The following VTI1A variants were observed in gnomAD, a reference collection of about 807,000 sequenced individuals.
VTI1A encodes the protein vesicle transport through interaction with t-SNAREs 1A.
Under a neutral mutation model 34.9 loss-of-function variants are expected in VTI1A, and 22 were observed. The ratio of observed to expected loss-of-function variants is 0.63; its 90% CI spans 0.45 to 0.90. The LOEUF (loss-of-function observed/expected upper bound fraction) is 0.90, where lower values mean the gene tolerates loss of function less well. Ranked by LOEUF, VTI1A falls within the 40% of genes least tolerant of loss-of-function variation. The pLI is 0.00. For missense variants in VTI1A, 268 were observed against 275.6 expected (o/e 0.97, Z 0.20); for synonymous variants, 87 against 97.3 (o/e 0.89, Z 0.62).
At chr10:112,548,960 CT>C (rs1851241773) in intron 5 of VTI1A, 1 of 676,794 alleles carries the variant, frequency 1.5e-6, no homozygotes, top group African/African-American at 1.8e-5. Context: ...TTATATCTTT[CT>C]TTCTTCTCTT....
At chr10:112,497,522 G>T (rs111274796) in intron 3 of VTI1A, among the ~76,000 whole-genome samples, 227 of 152,144 alleles carry the variant, frequency 1.5e-3, no homozygotes, top group Non-Finnish European at 2.1e-3. Context: ...ACACACACAC[G>T]TACTCACAGC....
chr10:112,495,162 T>A (rs922397449), intron 3 of VTI1A, among the ~76,000 whole-genome samples: 45 of 151,104 alleles, frequency 3.0e-4, no homozygotes, highest in African/African-American at 1.1e-3. Context: ...ATGCCAATGG[T>A]CCGTTTCATT....
the VTI1A span, chr10:112,825,368 G>C: frequency 6.6e-6 from 1 of 152,288 alleles, no homozygotes; most frequent in South Asian, 2.1e-4. Context: ...GCATCTCAGA[G>C]TGGGGCATGG....
At chr10:112,606,327 T>G (rs1845084492) in intron 5 of VTI1A, among the ~76,000 whole-genome samples, 1 of 151,872 alleles carries the variant, frequency 6.6e-6, no homozygotes, top group African/African-American at 2.4e-5. Flanking sequence ...GCCCGGCCAT[T>G]GCGTGCTATT....
chr10:112,822,626 G>A (rs1048405971), downstream of VTI1A, among the ~76,000 whole-genome samples: 1 of 152,098 alleles, frequency 6.6e-6, no homozygotes, highest in Non-Finnish European at 1.5e-5. Context: ...CACTGTGGCC[G>A]TCAGAGACTC....
chr10:112,471,367 ATT>A (rs576549183), intron 3 of VTI1A, among the ~76,000 whole-genome samples: 39 of 94,382 alleles, frequency 4.1e-4, no homozygotes, highest in African/African-American at 1.1e-3. Context: ...ATTCTTATTG[ATT>A]TTTTTTTTTT....
intron 5 of VTI1A, among the ~76,000 whole-genome samples, chr10:112,598,396 TC>T (rs1376196114): frequency 6.6e-6 from 1 of 152,252 alleles, no homozygotes; most frequent in Admixed American, 6.5e-5. Context: ...CTTTCTCTCC[TC>T]TTTAGCCTTT....
At chr10:112,556,541 C>G (rs921627966) in intron 5 of VTI1A, among the ~76,000 whole-genome samples, 6 of 151,928 alleles carry the variant, frequency 3.9e-5, no homozygotes, top group African/African-American at 1.4e-4. Context: ...AATCTCTCAA[C>G]CCATTAATGC....
At chr10:112,790,738 G>A (rs955005614) in intron 7 of VTI1A, among the ~76,000 whole-genome samples, 20 of 151,114 alleles carry the variant, frequency 1.3e-4, no homozygotes, top group Admixed American at 4.6e-4. Flanking sequence ...TTTTGCCTTT[G>A]GTCGTCATCC....
In VTI1A at chr10:112,453,181, T is replaced by C. The variant is rs117280759; in HGVS notation, c.94+5714T>C. On this transcript the variant is annotated intron_variant, in intron 1 of 7. Coordinates refer to ENST00000393077, the MANE Select transcript of VTI1A (RefSeq NM_145206.4). ...TTTTCTCATGATTAGATTGGAGTTCTGGGTTTTGGGGAGGAGGACCACAGA... is the reference window on the plus strand; with the variant it reads ...TTTTCTCATGATTAGATTGGAGTTCCGGGTTTTGGGGAGGAGGACCACAGA... Among the ~76,000 whole-genome samples the C allele has an allele frequency of 8.9e-3, 1,352 of 152,304 alleles. 9 individuals carry two copies. Among genetic ancestry groups the C allele is most frequent in the Admixed American group, 0.016 (247 of 15,308 alleles).
chr10:112,513,146 G>A (rs1351100492), intron 3 of VTI1A, among the ~76,000 whole-genome samples: 1 of 151,964 alleles, frequency 6.6e-6, no homozygotes, highest in Non-Finnish European at 1.5e-5. Flanking sequence ...CATTTTCACA[G>A]TATTAATTCT....
intron 7 of VTI1A, among the ~76,000 whole-genome samples, chr10:112,715,499 G>A (rs970798460): frequency 6.6e-6 from 1 of 152,114 alleles, no homozygotes; most frequent in African/African-American, 2.4e-5. Context: ...CTTAGTTGGG[G>A]GATAAGACAG....
At chr10:112,568,224 A>C (rs1851979774) in intron 5 of VTI1A, among the ~76,000 whole-genome samples, 1 of 152,116 alleles carries the variant, frequency 6.6e-6, no homozygotes, top group Admixed American at 6.5e-5. Context: ...TATGCACCTT[A>C]AAATGTGATG....
At chr10:112,656,512 AC>A (rs1400401920) in intron 5 of VTI1A, among the ~76,000 whole-genome samples, 1 of 135,632 alleles carries the variant, frequency 7.4e-6, no homozygotes, top group East Asian at 2.3e-4. Flanking sequence ...AGCATACCAC[AC>A]CCAGATAATT....
the VTI1A span, among the ~76,000 whole-genome samples, chr10:112,839,625 G>A: frequency 4.0e-3 from 608 of 152,262 alleles, 7 homozygotes; most frequent in African/African-American, 0.013. Flanking sequence ...AGTGCTCCCC[G>A]CTGCCCCAAA....
chr10:112,711,756 A>C (rs954504136), intron 7 of VTI1A, among the ~76,000 whole-genome samples: 1 of 152,230 alleles, frequency 6.6e-6, no homozygotes, highest in Non-Finnish European at 1.5e-5. Context: ...TAGCGTACCA[A>C]CTGTGTCCTC....
intron 5 of VTI1A, among the ~76,000 whole-genome samples, chr10:112,661,023 C>G (rs1847425773): frequency 6.6e-6 from 1 of 152,178 alleles, no homozygotes; most frequent in Non-Finnish European, 1.5e-5. Context: ...GTCTGTCACC[C>G]AGGCCGGAGT....
chr10:112,801,125 G>C (rs1324906037), intron 7 of VTI1A, among the ~76,000 whole-genome samples: 1 of 152,186 alleles, frequency 6.6e-6, no homozygotes, highest in Non-Finnish European at 1.5e-5. Flanking sequence ...GGACCCAGTG[G>C]GGGTGGAGAA....
At chr10:112,644,727 A>G (rs1846705530) in intron 5 of VTI1A, among the ~76,000 whole-genome samples, 1 of 152,176 alleles carries the variant, frequency 6.6e-6, no homozygotes, top group African/African-American at 2.4e-5. Flanking sequence ...TGTTTTTTAA[A>G]CTGCGAAATT....
Sources: allele counts gnomAD v4.1 joint callset (sites outside exome capture counted in the v4.1 genomes callset), GRCh38; gene constraint gnomAD v4.1.1; transcripts MANE v1.5; gene names NCBI Gene and HGNC (gene_info 2026-07-23, HGNC 2026-07-21).